PXN: variants seen among roughly 807,000 people sequenced by gnomAD.
PXN encodes paxillin, also known as testicular tissue protein Li 134.
In PXN, 61 loss-of-function variants were observed where a neutral mutation model predicts 103.6. The ratio of observed to expected loss-of-function variants is 0.59; its 90% CI spans 0.48 to 0.73. The LOEUF (loss-of-function observed/expected upper bound fraction) is 0.73, where lower values mean the gene tolerates loss of function less well. Among genes scored for constraint, PXN ranks in the 30% least tolerant of loss-of-function variants. The probability of loss-of-function intolerance (pLI) is 0.00; values close to 1 mark genes in which losing one functional copy is unlikely to be tolerated. For synonymous variants in PXN, 562 were observed against 607.8 expected, an observed-to-expected ratio of 0.92 and a Z score of 1.11; for missense variants, 1,274 against 1,460.3, an observed-to-expected ratio of 0.87 and a Z score of 2.08.
intron 1 of PXN, among the ~76,000 whole-genome samples, chr12:120,252,931 G>A (rs1470396226): frequency 1.3e-5 from 2 of 150,736 alleles, no homozygotes; most frequent in African/African-American, 2.4e-5. Context: ...CCAGGAGGCG[G>A]AGGTTGCAGT....
intron 1 of PXN, among the ~76,000 whole-genome samples, chr12:120,233,922 G>T (rs1206471815): frequency 6.6e-6 from 1 of 152,130 alleles, no homozygotes; most frequent in Non-Finnish European, 1.5e-5. Context: ...TCTCGCACAA[G>T]GATATCCATA....
At chr12:120,249,324 C>A (rs972931522) in intron 1 of PXN, among the ~76,000 whole-genome samples, 1 of 152,004 alleles carries the variant, frequency 6.6e-6, no homozygotes, top group Non-Finnish European at 1.5e-5. Context: ...TCTGGAAGCA[C>A]CAGAGGACTC....
At position 120,221,544 on chromosome 12, in the gene PXN, G is replaced by C; in HGVS notation, c.831+79C>G. 1 of 1,444,116 alleles carries C rather than the reference G, an allele frequency of 6.9e-7. No homozygotes were observed. The highest frequency in any genetic ancestry group is 1.3e-5 in the South Asian group (1 of 74,468). The allele number at this position is 1,444,116 out of a possible 1,614,324, so 89.5% of individuals were successfully genotyped here. A position where few individuals can be genotyped will look rare whatever the true frequency, so the allele number is the denominator to read the frequency against. On this transcript the variant is annotated intron_variant, in intron 6 of 14. Transcript: ENST00000637617. The surrounding 1 kb of genome is among the most constrained non-coding windows in gnomAD (Gnocchi z 6.6). ...CCAAACACTGAGATGCCAAGATCCA[G>C]CTACCCACACTGAGGTAAGGGAGGA...
chr12:120,256,050 C>T (rs1025962079), intron 1 of PXN, among the ~76,000 whole-genome samples: 3 of 151,592 alleles, frequency 2.0e-5, no homozygotes, highest in Admixed American at 6.6e-5. Flanking sequence ...CCATTCTGGG[C>T]GGCAGAGCAA....
Position 120,225,154 on chromosome 12 carries a change from C to T in PXN, c.14-777G>A. Reference sequence around the variant, plus strand: ...AAGCTTCCATTACCCTGGCACCTGGCAGCCAACAGGGGGGCACTAGGTCTC... The same window carrying T: ...AAGCTTCCATTACCCTGGCACCTGGTAGCCAACAGGGGGGCACTAGGTCTC... On this transcript the variant is annotated intron_variant, in intron 1 of 14. Coordinates refer to ENST00000637617, the MANE Select transcript of PXN (RefSeq NM_001385981.1). The surrounding 1 kb of genome is among the most constrained non-coding windows in gnomAD (Gnocchi z 4.4). 5.4e-6 allele frequency: 1 copy of T among 185,156 alleles called. No individual in the cohort carries two copies. The highest frequency in any genetic ancestry group is 1.2e-5 in the Non-Finnish European group (1 of 85,330). 11.5% of individuals were successfully genotyped at this position (185,156 alleles called of 1,614,324 possible). A position where few individuals can be genotyped will look rare whatever the true frequency, so the allele number is the denominator to read the frequency against.
intron 1 of PXN, among the ~76,000 whole-genome samples, chr12:120,236,873 T>G (rs1038508875): frequency 6.6e-6 from 1 of 151,730 alleles, no homozygotes; most frequent in African/African-American, 2.4e-5. Context: ...GGTGTGATCA[T>G]AGCTCACTGC....
intron 1 of PXN, among the ~76,000 whole-genome samples, chr12:120,244,473 C>G (rs1228426280): frequency 6.6e-6 from 1 of 151,818 alleles, no homozygotes; most frequent in East Asian, 1.9e-4. Flanking sequence ...GGTGAAACCC[C>G]GTCTCTACTA....
intron 1 of PXN, chr12:120,226,295 C>T: frequency 7.8e-7 from 1 of 1,289,114 alleles, no homozygotes; most frequent in Non-Finnish European, 1.0e-6. Context: ...AGTGCAACCC[C>T]AGTAGGGGGC....
At position 120,223,764 on chromosome 12, in the gene PXN, C is replaced by T; in HGVS notation, c.310G>A (p.Val104Ile). 1.2e-6 allele frequency: 2 copies of T among 1,609,728 alleles called. No homozygotes were observed. Among genetic ancestry groups the T allele is most frequent in the South Asian group, 2.2e-5 (2 of 89,984 alleles). ...CCCACTCGGGAGCACGGAGAGCCAACACTGTCCTGAGGGTTGGAGACACTG... is the reference window on the plus strand; with the variant it reads ...CCCACTCGGGAGCACGGAGAGCCAATACTGTCCTGAGGGTTGGAGACACTG... ...TSSVSNPQDS[V>I]GSPCSRVGEE... Residue 104 changes from valine (V) to isoleucine (I), a missense_variant, in exon 3 of 15, where the codon GTT becomes ATT. Around this residue, in one of 2 missense-constraint regions of PXN, gnomAD observed 1,178 missense variants for 1,309.0 expected, o/e 0.90. Coordinates refer to ENST00000637617, the MANE Select transcript of PXN (RefSeq NM_001385981.1).
chr12:120,243,415 C>T (rs1222834940), intron 1 of PXN, among the ~76,000 whole-genome samples: 1 of 152,140 alleles, frequency 6.6e-6, no homozygotes, highest in Non-Finnish European at 1.5e-5. Context: ...AAAGGCCGGG[C>T]ATGGTGGCTC....
intron 1 of PXN, chr12:120,226,968 T>C: frequency 4.0e-6 from 4 of 988,518 alleles, no homozygotes; most frequent in Non-Finnish European, 4.8e-6. Flanking sequence ...CATTGGAAGC[T>C]ACAAACATCA....
chr12:120,217,186 T>A lies in PXN; in HGVS notation c.1717-70A>T. The A allele has an allele frequency of 1.6e-6, 2 of 1,257,178 alleles. No homozygotes were observed. Among genetic ancestry groups the A allele is most frequent in the Non-Finnish European group, 2.2e-6 (2 of 899,044 alleles). The allele number at this position is 1,257,178 out of a possible 1,614,324, so 77.9% of individuals were successfully genotyped here. A position where few individuals can be genotyped will look rare whatever the true frequency, so the allele number is the denominator to read the frequency against. ...TTGCACAACGCTGCTCAGGCCACAC[T>A]CAGATGCCTCAGGAGAGGGAGCACA... On this transcript the variant is annotated intron_variant, in intron 7 of 14. Coordinates refer to ENST00000637617, the MANE Select transcript of PXN (RefSeq NM_001385981.1). This position sits in a 1 kb window ranked among gnomAD's most constrained non-coding sequence, Gnocchi z 4.1.
chr12:120,235,256 C>A (rs560559050), intron 1 of PXN, among the ~76,000 whole-genome samples: 2 of 152,136 alleles, frequency 1.3e-5, no homozygotes, highest in Non-Finnish European at 2.9e-5. Context: ...TCTGCTCCTG[C>A]CACGGAAGCT....
intron 1 of PXN, among the ~76,000 whole-genome samples, chr12:120,245,292 G>A (rs554810519): frequency 6.2e-4 from 94 of 152,084 alleles, no homozygotes; most frequent in African/African-American, 2.1e-3. Context: ...TGACAGCATC[G>A]ATTATCATGA....
chr12:120,248,924 G>A (rs1891680217), intron 1 of PXN, among the ~76,000 whole-genome samples: 1 of 152,046 alleles, frequency 6.6e-6, no homozygotes, highest in African/African-American at 2.4e-5. Flanking sequence ...ATCACCTGAG[G>A]TCAGGAGTTT....
intron 1 of PXN, among the ~76,000 whole-genome samples, chr12:120,252,656 G>A (rs1347550407): frequency 6.6e-6 from 1 of 152,068 alleles, no homozygotes; most frequent in Non-Finnish European, 1.5e-5. Flanking sequence ...ATCCCCCAAA[G>A]CAGGGGCCAA....
chr12:120,214,276 G>T lies in PXN; in HGVS notation c.2749-59C>A. 1 of 1,420,300 alleles carries T rather than the reference G, an allele frequency of 7.0e-7. No individual in the cohort carries two copies. Among genetic ancestry groups the T allele is most frequent in the Non-Finnish European group, 9.7e-7 (1 of 1,029,686 alleles). The allele number at this position is 1,420,300 out of a possible 1,614,324, so 88.0% of individuals were successfully genotyped here. A position where few individuals can be genotyped will look rare whatever the true frequency, so the allele number is the denominator to read the frequency against. On this transcript the variant is annotated intron_variant, in intron 12 of 14. Coordinates refer to ENST00000637617, the MANE Select transcript of PXN (RefSeq NM_001385981.1). This position sits in a 1 kb window ranked among gnomAD's most constrained non-coding sequence, Gnocchi z 5.0. ...TCTGGGCAGATCTCACAACTGAGACGCCCAGCAAGGCCGTCCTTCCACCCG... is the reference window on the plus strand; with the variant it reads ...TCTGGGCAGATCTCACAACTGAGACTCCCAGCAAGGCCGTCCTTCCACCCG...
intron 1 of PXN, among the ~76,000 whole-genome samples, chr12:120,244,442 C>T (rs914028629): frequency 2.0e-5 from 3 of 151,700 alleles, no homozygotes; most frequent in African/African-American, 7.3e-5. Flanking sequence ...GTCAGGAGAT[C>T]GAGACCATCC....
intron 1 of PXN, among the ~76,000 whole-genome samples, chr12:120,264,911 G>C (rs1894444697): frequency 6.6e-6 from 1 of 152,284 alleles, no homozygotes; most frequent in Admixed American, 6.5e-5. Context: ...AGGTCAGTGA[G>C]AGAAAATGAG....
Sources: gnomAD v4.1 joint callset for allele counts (sites outside exome capture counted in the v4.1 genomes callset) on GRCh38, gnomAD v4.1.1 for gene constraint, gnomAD v4.1.1 regional missense constraint, Gnocchi (gnomAD v3.1) non-coding constraint, MANE v1.5 for transcripts, NCBI Gene and HGNC (gene_info 2026-07-23, HGNC 2026-07-21) for gene names.